The following RIF1 variants were observed in gnomAD, a reference collection of about 807,000 sequenced individuals.
RIF1 encodes replication timing regulatory factor 1.
A neutral mutation model predicts 247.1 loss-of-function variants in RIF1; 45 were observed. That is an observed-to-expected ratio of 0.18 (90% CI 0.14 to 0.23). The LOEUF (loss-of-function observed/expected upper bound fraction) is 0.23, where lower values mean the gene tolerates loss of function less well. Among genes scored for constraint, RIF1 ranks in the 10% least tolerant of loss-of-function variants. The pLI is 1.00. For missense variants in RIF1, 2,967 were observed against 2,862.5 expected (o/e 1.04, Z -0.83); for synonymous variants, 1,087 against 978.8 (o/e 1.11, Z -2.06).
At chr2:151,432,606 C>T (rs570760553) in intron 9 of RIF1, among the ~76,000 whole-genome samples, 2 of 152,162 alleles carry the variant, frequency 1.3e-5, no homozygotes, top group South Asian at 2.1e-4. Context: ...CATATGCTTC[C>T]GTTTCTTTGT....
intron 7 of RIF1, 104 bp from the exon 8 acceptor site, chr2:151,422,846 A>C: frequency 1.5e-6 from 1 of 654,496 alleles, no homozygotes; most frequent in East Asian, 2.8e-5. Context: ...TATTATGGAG[A>C]AAACTATTTG....
In RIF1 at chr2:151,463,907, T is replaced by C. The variant is rs1274175968; in HGVS notation, c.4387T>C (p.Leu1463=). 1 of 1,613,416 alleles carries C rather than the reference T, an allele frequency of 6.2e-7. No individual in the cohort carries two copies. Among genetic ancestry groups the C allele is most frequent in the Non-Finnish European group, 8.5e-7 (1 of 1,179,898 alleles). The change falls in exon 30 of 36, where the codon TTA becomes CTA. Residue 1463 remains leucine, a synonymous_variant. Transcript: ENST00000444746. ...TCCATTGCATATAAAAGATGATGTGTTACCTAAACAAAAACTGATTGCTGA... is the reference window on the plus strand; with the variant it reads ...TCCATTGCATATAAAAGATGATGTGCTACCTAAACAAAAACTGATTGCTGA... ...KSPLHIKDDV[L]PKQKLIAEQT...
In RIF1 at chr2:151,477,184, C is replaced by T. The variant is rs879779992; in HGVS notation, c.*2113C>T. ...TGGCAACTTATTTGCAATATTCTTG[C>T]CTTAAAGTTTCCTGCAAATTTCCCC... is the stretch of plus-strand genomic sequence containing the variant. On this transcript the variant is annotated 3_prime_UTR_variant, in exon 36 of 36. Transcript: ENST00000444746. 2.0e-5 allele frequency: 3 copies of T among 152,204 alleles called. No homozygotes were observed. Among genetic ancestry groups the T allele is most frequent in the African/African-American group, 7.2e-5 (3 of 41,448 alleles). The allele number at this position is 152,204 out of a possible 1,614,324, so 9.4% of individuals were successfully genotyped here. A position where few individuals can be genotyped will look rare whatever the true frequency, so the allele number is the denominator to read the frequency against.
At chr2:151,516,523 G>T in the RIF1 span, 1 of 1,613,184 alleles carries the variant, frequency 6.2e-7, no homozygotes, top group Non-Finnish European at 8.5e-7. Context: ...GTCCAGCATG[G>T]GTTTTCCTCG....
At position 151,410,026 on chromosome 2, in the gene RIF1, C is replaced by T. The variant is rs901425812; in HGVS notation, c.-18C>T. On this transcript the variant is annotated 5_prime_UTR_variant, in exon 1 of 36. Coordinates refer to ENST00000444746, the MANE Select transcript of RIF1 (RefSeq NM_018151.5). ...GAGGCGGAGAGAACCCTGTCCTGAT[C>T]TTCCTAGGTGGGATAAATATCGGGG... The T allele has an allele frequency of 1.4e-6, 1 of 702,822 alleles. No individual in the cohort carries two copies. Among genetic ancestry groups the T allele is most frequent in the African/African-American group, 1.7e-5 (1 of 57,272 alleles). 43.5% of individuals were successfully genotyped at this position (702,822 alleles called of 1,614,324 possible).
Position 151,409,931 on chromosome 2 carries a change from G to A in RIF1, c.-113G>A. 2 of 700,568 alleles carry A rather than the reference G, an allele frequency of 2.9e-6. No homozygotes were observed. Among genetic ancestry groups the A allele is most frequent in the Non-Finnish European group, 5.2e-6 (2 of 384,018 alleles). The allele number at this position is 700,568 out of a possible 1,614,324, so 43.4% of individuals were successfully genotyped here. On this transcript the variant is annotated 5_prime_UTR_variant, in exon 1 of 36. Coordinates refer to ENST00000444746, the MANE Select transcript of RIF1 (RefSeq NM_018151.5). The stretch of plus-strand genomic sequence containing the variant: ...GCCATCTTGGTCTAGGAGGGAGCGC[G>A]CCGCACGCGTGAGTAAACAGCCGGA...
At position 151,464,836 on chromosome 2, in the gene RIF1, C is replaced by A. The variant is rs747564018; in HGVS notation, c.5316C>A (p.Ser1772Arg). Residue 1772 changes from serine to arginine, a missense_variant, in exon 30 of 36, where the codon AGC becomes AGA. Physicochemically the swap from Ser to Arg is moderately radical, Grantham distance 110. Around this residue, in one of 7 missense-constraint regions of RIF1, gnomAD observed 2,028 missense variants for 1,825.6 expected, o/e 1.11. Coordinates refer to ENST00000444746, the MANE Select transcript of RIF1 (RefSeq NM_018151.5). The stretch of plus-strand genomic sequence containing the variant: ...AGGCAGATGTGCAAGCACCTGTAAG[C>A]CCATCAGAAACTTCTCAAGCTAATC... ...TKKADVQAPV[S>R]PSETSQANPY... 7 of 1,610,998 alleles carry A rather than the reference C, an allele frequency of 4.3e-6. No individual in the cohort carries two copies. The highest frequency in any genetic ancestry group is 5.9e-6 in the Non-Finnish European group (7 of 1,179,284).
intron 13 of RIF1, chr2:151,507,137 T>G: frequency 1.6e-6 from 1 of 620,416 alleles, no homozygotes; most frequent in Non-Finnish European, 2.8e-6. Context: ...GCACAATAAT[T>G]ATGGTCTGGT....
intron 8 of RIF1, 128 bp from the exon 9 acceptor site, chr2:151,428,654 TTG>T: frequency 1.5e-6 from 1 of 688,342 alleles, no homozygotes; most frequent in East Asian, 2.6e-5. Context: ...TGTGAATAAT[TTG>T]TCTTTTGTCT....
At chr2:151,493,518 G>T in intron 9 of RIF1, 1 of 980,406 alleles carries the variant, frequency 1.0e-6, no homozygotes, top group Non-Finnish European at 1.5e-6. Flanking sequence ...CTTAGCTGGT[G>T]TTATGGCTCA....
At chr2:151,520,114 T>A in the RIF1 span, 1 of 168,678 alleles carries the variant, frequency 5.9e-6, no homozygotes, top group East Asian at 1.6e-4. Context: ...TTGGAGCATT[T>A]TAGCACTCCT....
rs1364373021 is a variant in RIF1 at position 151,469,849 on chromosome 2, A to G, written c.7080A>G (p.Ile2360Met). ...CCAATGTAAAAAAGGCTCTCAGAAT[A>G]TATCATGAGCAGCAGGTAAAAACTT... Reference protein sequence around the residue: ...KVSNVKKALRIYHEQQVKTRG... With the variant: ...KVSNVKKALRMYHEQQVKTRG... Residue 2360 changes from isoleucine to methionine, a missense_variant, in exon 34 of 36, where the codon ATA (isoleucine) becomes ATG (methionine). Transcript: ENST00000444746. 2 of 1,605,902 alleles carry G rather than the reference A, an allele frequency of 1.2e-6. No individual in the cohort carries two copies. The highest frequency in any genetic ancestry group is 1.7e-5 in the Admixed American group (1 of 58,182).
chr2:151,455,475 A>C (rs978426625), intron 22 of RIF1, among the ~76,000 whole-genome samples: 2 of 151,302 alleles, frequency 1.3e-5, no homozygotes, highest in South Asian at 4.1e-4. Context: ...GCTGTTTTGC[A>C]ATTAATTATA....
intron 1 of RIF1, 122 bp downstream of exon 1, chr2:151,410,155 C>G (rs1376609942): frequency 6.0e-6 from 4 of 665,072 alleles, no homozygotes; most frequent in African/African-American, 5.3e-5. Context: ...CCGATCTCCT[C>G]CCTCTGTTGA....
chr2:151,445,494 A>G (rs1311809391), intron 19 of RIF1, 49 bp downstream of exon 19: 5 of 949,868 alleles, frequency 5.3e-6, no homozygotes, highest in Admixed American at 3.5e-5. Context: ...ATTTTTCTGA[A>G]AATATTATTT....
rs748099286 is a variant in RIF1 at position 151,462,432 on chromosome 2, G to C, written c.3329G>C (p.Arg1110Thr). The change falls in exon 29 of 36, where the codon AGA becomes ACA. Residue 1110 changes from arginine to threonine, a missense_variant. By Grantham distance (71) the Arg-to-Thr change is moderately conservative. Coordinates refer to ENST00000444746, the MANE Select transcript of RIF1 (RefSeq NM_018151.5). ...TTCAGGGAAATTCCTACTTTAACCA[G>C]AAAACCAAAGGAGGATTCTAAGATG... ...EEPMEIPTLT[R>T]KPKEDSKMMI... is the part of the protein sequence containing the mutation. The C allele has an allele frequency of 1.3e-6, 2 of 1,560,812 alleles. No individual in the cohort carries two copies. Among genetic ancestry groups the C allele is most frequent in the Non-Finnish European group, 1.7e-6 (2 of 1,152,172 alleles).
chr2:151,482,496 A>G (rs542264231), downstream of RIF1, among the ~76,000 whole-genome samples: 44 of 152,232 alleles, frequency 2.9e-4, no homozygotes, highest in Non-Finnish European at 6.2e-4. Flanking sequence ...GGCTGAGTAG[A>G]TGCAGGCAAG....
At chr2:151,425,658 C>T (rs2152247720) in intron 8 of RIF1, among the ~76,000 whole-genome samples, 2 of 97,746 alleles carry the variant, frequency 2.0e-5, no homozygotes, top group East Asian at 6.6e-4. Context: ...CCTTGTGGTA[C>T]CCTTTTTTTT....
chr2:151,429,377 C>G (rs1303094695), intron 9 of RIF1, among the ~76,000 whole-genome samples: 1 of 152,136 alleles, frequency 6.6e-6, no homozygotes, highest in African/African-American at 2.4e-5. Context: ...GACAGGGTTT[C>G]ACTATGTTGG....
Sources: gnomAD v4.1 joint callset for allele counts (sites outside exome capture counted in the v4.1 genomes callset) on GRCh38, gnomAD v4.1.1 for gene constraint, gnomAD v4.1.1 regional missense constraint, MANE v1.5 for transcripts, NCBI Gene and HGNC (gene_info 2026-07-23, HGNC 2026-07-21) for gene names.